Variants in RPSA2 observed in about 807,000 individuals in gnomAD.
RPSA2 encodes the protein ribosomal protein SA 2, also known as small ribosomal subunit protein uS2B.
At chr19:23,773,635 T>G in the RPSA2 span, among the ~76,000 whole-genome samples, 72 of 152,262 alleles carry the variant, frequency 4.7e-4, no homozygotes, top group South Asian at 0.015. Context: ...ATCATCATTT[T>G]CTCACATAAA....
the RPSA2 span, chr19:23,808,671 AT>A: frequency 1.9e-6 from 1 of 526,118 alleles, no homozygotes; most frequent in Non-Finnish European, 3.6e-6. Context: ...TAAGTTGGTA[AT>A]TGGAGAATAT....
At chr19:23,770,664 G>T in the RPSA2 span, among the ~76,000 whole-genome samples, 1 of 152,172 alleles carries the variant, frequency 6.6e-6, no homozygotes, top group African/African-American at 2.4e-5. Context: ...CAGCAATCAG[G>T]TGATCTGTTT....
chr19:23,794,351 C>T, the RPSA2 span, among the ~76,000 whole-genome samples: 5 of 152,112 alleles, frequency 3.3e-5, no homozygotes, highest in African/African-American at 1.2e-4. Flanking sequence ...TCTCTGCAAC[C>T]CTGACAGCAT....
chr19:23,848,889 C>T, the RPSA2 span, among the ~76,000 whole-genome samples: 563 of 152,200 alleles, frequency 3.7e-3, 4 homozygotes, highest in African/African-American at 0.013. Context: ...CAGTGGTGAC[C>T]AGTGCAGTGA....
the RPSA2 span, among the ~76,000 whole-genome samples, chr19:23,824,535 CATT>C: frequency 9.6e-6 from 1 of 104,364 alleles, no homozygotes; most frequent in Non-Finnish European, 2.0e-5. Context: ...TGATGGTGTT[CATT>C]ATTATTTTAT....
the RPSA2 span, among the ~76,000 whole-genome samples, chr19:23,843,565 T>C: frequency 3.9e-5 from 6 of 152,190 alleles, no homozygotes; most frequent in African/African-American, 1.2e-4. Flanking sequence ...CTTCCATTGC[T>C]TTGGGGCAAT....
the RPSA2 span, among the ~76,000 whole-genome samples, chr19:23,860,936 G>C: frequency 1.3e-5 from 2 of 152,048 alleles, no homozygotes; most frequent in Non-Finnish European, 2.9e-5. Flanking sequence ...AGACACACTG[G>C]TGACCCCATC....
the RPSA2 span, among the ~76,000 whole-genome samples, chr19:23,849,931 T>G: frequency 6.6e-6 from 1 of 152,308 alleles, no homozygotes; most frequent in East Asian, 1.9e-4. Flanking sequence ...TTCATTTGTC[T>G]TAAAGGAGAA....
the RPSA2 span, among the ~76,000 whole-genome samples, chr19:23,788,971 C>G: frequency 6.7e-6 from 1 of 150,372 alleles, no homozygotes; most frequent in Non-Finnish European, 1.5e-5. Flanking sequence ...GCCCAGCACC[C>G]AGAAGATGTG....
At chr19:23,814,685 A>G in the RPSA2 span, among the ~76,000 whole-genome samples, 1 of 151,996 alleles carries the variant, frequency 6.6e-6, no homozygotes, top group African/African-American at 2.4e-5. Flanking sequence ...TTGAAAAACT[A>G]TTATTTTTTG....
chr19:23,761,920 C>CTTTCTTTCT, the RPSA2 span, among the ~76,000 whole-genome samples: 2 of 32,458 alleles, frequency 6.2e-5, no homozygotes, highest in African/African-American at 1.9e-4. Context: ...TTCTTTCTTT[C>CTTTCTTTCT]TTTTTTTTTT....
the RPSA2 span, among the ~76,000 whole-genome samples, chr19:23,778,415 T>G: frequency 6.6e-6 from 1 of 152,158 alleles, no homozygotes; most frequent in East Asian, 1.9e-4. Context: ...GGTTTCTTCA[T>G]GTTGGTCAGA....
the RPSA2 span, among the ~76,000 whole-genome samples, chr19:23,834,143 C>T: frequency 1.3e-5 from 2 of 151,420 alleles, no homozygotes; most frequent in African/African-American, 4.9e-5. Context: ...CAGAGTGCTG[C>T]GTATAAAAAA....
chr19:23,775,493 A>G, the RPSA2 span, among the ~76,000 whole-genome samples: 1 of 152,150 alleles, frequency 6.6e-6, no homozygotes, highest in Admixed American at 6.5e-5. Context: ...TCTCACGTGT[A>G]CCTTATAAAT....
chr19:23,810,165 G>T, the RPSA2 span, among the ~76,000 whole-genome samples: 1 of 151,936 alleles, frequency 6.6e-6, no homozygotes, highest in African/African-American at 2.4e-5. Flanking sequence ...AGGCCGAGGC[G>T]GGTGGATCAC....
At chr19:23,778,813 A>G in the RPSA2 span, among the ~76,000 whole-genome samples, 1 of 151,908 alleles carries the variant, frequency 6.6e-6, no homozygotes, top group African/African-American at 2.4e-5. Context: ...AAGACTCTTC[A>G]TTTGCCTGGG....
the RPSA2 span, among the ~76,000 whole-genome samples, chr19:23,820,651 TTTC>T: frequency 1.3e-5 from 2 of 150,100 alleles, no homozygotes; most frequent in East Asian, 2.0e-4. Context: ...AGCTGTATAA[TTTC>T]TTCTTTGTAT....
chr19:23,787,027 C>T, the RPSA2 span, among the ~76,000 whole-genome samples: 4 of 152,186 alleles, frequency 2.6e-5, no homozygotes, highest in South Asian at 2.1e-4. Context: ...TGACATATTA[C>T]TGGGCCCAGC....
chr19:23,771,100 A>G, the RPSA2 span, among the ~76,000 whole-genome samples: 2 of 152,214 alleles, frequency 1.3e-5, no homozygotes, highest in African/African-American at 4.8e-5. Context: ...AAAGTTGTCA[A>G]GAGGTACAGA....
Sources: gnomAD v4.1 joint callset for allele counts (sites outside exome capture counted in the v4.1 genomes callset) on GRCh38, gnomAD v4.1.1 for gene constraint, MANE v1.5 for transcripts, NCBI Gene and HGNC (gene_info 2026-07-23, HGNC 2026-07-21) for gene names.